Variants in PAX8 observed in about 807,000 individuals in gnomAD.
PAX8 encodes the protein paired box protein Pax-8.
A neutral mutation model predicts 52.4 loss-of-function variants in PAX8; 15 were observed. The observed-to-expected ratio is 0.29, with a 90% CI of 0.19 to 0.44. The LOEUF is 0.44. PAX8 is among the 20% of genes least tolerant of loss of function. The pLI is 1.00. For missense variants in PAX8, 554 were observed against 602.5 expected (o/e 0.92, Z 0.84); for synonymous variants, 284 against 249.7 (o/e 1.14, Z -1.29).
At chr2:113,255,284 AGGGAGGGAGGAG>A in intron 2 of PAX8, 1 of 7,020 alleles carries the variant, frequency 1.4e-4, no homozygotes, top group Non-Finnish European at 2.3e-4. Flanking sequence ...GGAGGGGAGG[AGGGAGGGAGGAG>A]GGAGGGGAGG....
intron 2 of PAX8, among the ~76,000 whole-genome samples, chr2:113,249,537 T>TA (rs771762555): frequency 9.9e-5 from 15 of 151,658 alleles, no homozygotes; most frequent in South Asian, 2.1e-4. Flanking sequence ...GAAGCAGGTT[T>TA]AAAAAAAATG....
At chr2:113,248,806 A>G (rs1573482888) in intron 2 of PAX8, among the ~76,000 whole-genome samples, 1 of 150,160 alleles carries the variant, frequency 6.7e-6, no homozygotes, top group South Asian at 2.1e-4. Context: ...TAAAAGTACA[A>G]AAAAAAAAAA....
At chr2:113,261,248 C>T (rs544525256) in intron 2 of PAX8, among the ~76,000 whole-genome samples, 1 of 152,140 alleles carries the variant, frequency 6.6e-6, no homozygotes, top group East Asian at 1.9e-4. Context: ...CACTCTGTGA[C>T]GATGCCAGTC....
intron 2 of PAX8, among the ~76,000 whole-genome samples, chr2:113,252,221 G>A (rs1691826183): frequency 6.6e-6 from 1 of 152,340 alleles, no homozygotes; most frequent in South Asian, 2.1e-4. Flanking sequence ...TATAGTGAGA[G>A]GTGCAGTGGC....
chr2:113,236,698 G>C lies in PAX8; in HGVS notation c.801C>G (p.Leu267=), dbSNP rs751144535. 6.3e-7 allele frequency: 1 copy of C among 1,580,272 alleles called. No homozygotes were observed. The highest frequency in any genetic ancestry group is 1.2e-5 in the South Asian group (1 of 86,160). ...CCTTCCCGTCGTCCAGGGTGCTGTT[G>C]AGCAAGGGCAGCGGGTAGAGGCCCT... The part of the protein sequence containing the change: ...GEQGLYPLPL[L]NSTLDDGKAT... The change falls in exon 8 of 12, where the codon CTC becomes CTG. Residue 267 remains leucine, a synonymous_variant. Transcript: ENST00000429538.
Position 113,246,864 on chromosome 2 carries a change from C to T in PAX8, c.81G>A (p.Pro27=), listed in dbSNP as rs372324872. The T allele has an allele frequency of 2.2e-5, 36 of 1,614,186 alleles. No homozygotes were observed. Among genetic ancestry groups the T allele is most frequent in the African/African-American group, 5.3e-5 (4 of 75,066 alleles). The change falls in exon 3 of 12, where the codon CCG becomes CCA. Residue 27 remains proline, a synonymous_variant. Coordinates refer to ENST00000429538, the MANE Select transcript of PAX8 (RefSeq NM_003466.4). The part of the protein sequence containing the change: ...GGAFVNGRPL[P]EVVRQRIVDL... Reference sequence around the variant, plus strand: ...CTACGATGCGCTGGCGGACCACTTCCGGCAGAGGTCTGCCATTCACAAAGG... The same window carrying T: ...CTACGATGCGCTGGCGGACCACTTCTGGCAGAGGTCTGCCATTCACAAAGG...
At chr2:113,218,863 C>A (rs1465513315) in intron 11 of PAX8, among the ~76,000 whole-genome samples, 1 of 152,186 alleles carries the variant, frequency 6.6e-6, no homozygotes, top group Admixed American at 6.5e-5. Flanking sequence ...ACCTTCAACA[C>A]CCTCGTTGCA....
intron 4 of PAX8, among the ~76,000 whole-genome samples, chr2:113,243,544 A>G (rs1691055540): frequency 6.6e-6 from 1 of 152,144 alleles, no homozygotes; most frequent in Admixed American, 6.5e-5. Flanking sequence ...GGCACTCGCC[A>G]CCACACCCAG....
At chr2:113,218,698 G>A (rs955036925) in intron 11 of PAX8, 89 bp from the exon 12 acceptor site, 3 of 756,112 alleles carry the variant, frequency 4.0e-6, no homozygotes, top group Middle Eastern at 2.3e-4. Context: ...TGACCTTTAA[G>A]ACAACACAAG....
At chr2:113,236,500 C>T in intron 8 of PAX8, 101 bp downstream of exon 8, 1 of 1,358,564 alleles carries the variant, frequency 7.4e-7, no homozygotes, top group Non-Finnish European at 9.9e-7. Flanking sequence ...CACAGCCCGC[C>T]TCTCCTCTCC....
At chr2:113,243,108 C>T (rs1177152128) in intron 4 of PAX8, among the ~76,000 whole-genome samples, 1 of 152,228 alleles carries the variant, frequency 6.6e-6, no homozygotes, top group Non-Finnish European at 1.5e-5. Context: ...TGCGTCTCTC[C>T]ATCAGCACCT....
intron 8 of PAX8, 48 bp downstream of exon 8, chr2:113,236,553 C>T: frequency 6.5e-7 from 1 of 1,540,192 alleles, no homozygotes; most frequent in Non-Finnish European, 8.7e-7. Flanking sequence ...CAGCCAAGCT[C>T]TTCAGTCCCC....
intron 5 of PAX8, 67 bp from the exon 6 acceptor site, chr2:113,242,197 G>A (rs1482054108): frequency 2.7e-6 from 4 of 1,483,954 alleles, no homozygotes; most frequent in East Asian, 4.6e-5. Flanking sequence ...GGGTGACTCT[G>A]GGGTAGTTAC....
In PAX8 at chr2:113,278,450, G is replaced by C; in HGVS notation, c.-56C>G. 3 of 1,606,606 alleles carry C rather than the reference G, an allele frequency of 1.9e-6. No homozygotes were observed. Among genetic ancestry groups the C allele is most frequent in the Admixed American group, 1.7e-5 (1 of 59,868 alleles). On this transcript the variant is annotated 5_prime_UTR_variant, in exon 2 of 12. Transcript: ENST00000429538. ...GCTCGGGGCTTCCTCCCGTAGGTCC[G>C]GGCCGCGCCTGCCGCTGCCCTGCAC...
chr2:113,233,735 G>C (rs893310614), intron 9 of PAX8, among the ~76,000 whole-genome samples: 1 of 152,012 alleles, frequency 6.6e-6, no homozygotes, highest in African/African-American at 2.4e-5. Flanking sequence ...TGACCCTGTG[G>C]TTACTCTGGG....
In PAX8 at chr2:113,218,160, T is replaced by C. The variant is rs1488375856; in HGVS notation, c.*373A>G. On this transcript the variant is annotated 3_prime_UTR_variant, in exon 12 of 12. Coordinates refer to ENST00000429538, the MANE Select transcript of PAX8 (RefSeq NM_003466.4). ...ATAATGGAGCCATGGAGGTGCCCTG[T>C]GCACCCCTTGGGCCCGGGCAGGAAC... 3.8e-6 allele frequency: 1 copy of C among 261,922 alleles called. No individual in the cohort carries two copies. Among genetic ancestry groups the C allele is most frequent in the East Asian group, 5.6e-5 (1 of 17,708 alleles). The allele number at this position is 261,922 out of a possible 1,614,324, so 16.2% of individuals were successfully genotyped here. A position where few individuals can be genotyped will look rare whatever the true frequency, so the allele number is the denominator to read the frequency against.
At chr2:113,222,456 G>A (rs143714148) in intron 10 of PAX8, among the ~76,000 whole-genome samples, 56 of 152,268 alleles carry the variant, frequency 3.7e-4, no homozygotes, top group African/African-American at 1.1e-3. Context: ...GATGGAGCTC[G>A]GTAGGTGGTA....
chr2:113,223,739 T>A (rs1279551575), intron 10 of PAX8, among the ~76,000 whole-genome samples: 3 of 152,220 alleles, frequency 2.0e-5, no homozygotes, highest in African/African-American at 7.2e-5. Context: ...AGACAATAAA[T>A]TATTATGTTC....
chr2:113,255,245 GAGGAGGGAGGGA>G (rs1558737294), intron 2 of PAX8: 1 of 20,272 alleles, frequency 4.9e-5, no homozygotes, highest in Non-Finnish European at 8.3e-5. Context: ...GGAGGGAGGG[GAGGAGGGAGGGA>G]GGAGGGAGGG....
Sources: gnomAD v4.1 joint callset for allele counts (sites outside exome capture counted in the v4.1 genomes callset) on GRCh38, gnomAD v4.1.1 for gene constraint, MANE v1.5 for transcripts, NCBI Gene and HGNC (gene_info 2026-07-23, HGNC 2026-07-21) for gene names.